NEBL: variants seen among roughly 807,000 people sequenced by gnomAD.
The protein encoded by NEBL is LIM and SH3 protein 2.
Under a neutral mutation model 140.2 loss-of-function variants are expected in NEBL, and 122 were observed. The ratio of observed to expected loss-of-function variants is 0.87; its 90% confidence interval spans 0.75 to 1.01. The LOEUF is 1.01. Ranked by LOEUF, NEBL falls within the 50% of genes least tolerant of loss-of-function variation. The pLI is 0.00. For synonymous variants in NEBL, 436 were observed against 398.9 expected (o/e 1.09, Z -1.11); for missense variants, 1,365 against 1,231.3 (o/e 1.11, Z -1.62).
At chr10:21,002,229 C>T (rs1469123651) in intron 3 of NEBL, among the ~76,000 whole-genome samples, 2 of 151,530 alleles carry the variant, frequency 1.3e-5, no homozygotes, top group African/African-American at 4.8e-5. Flanking sequence ...ATATTACTAA[C>T]ATGAGTCATA....
intron 2 of NEBL, among the ~76,000 whole-genome samples, chr10:21,099,853 T>C (rs142573044): frequency 5.9e-5 from 9 of 152,344 alleles, no homozygotes; most frequent in Non-Finnish European, 1.0e-4. Flanking sequence ...GCCCAAGATA[T>C]TACAGTCACT....
At chr10:20,850,646 C>G (rs1262290974) in intron 10 of NEBL, 144 bp from the exon 11 acceptor site, 2 of 625,598 alleles carry the variant, frequency 3.2e-6, no homozygotes, top group African/African-American at 3.7e-5. Flanking sequence ...ACTGGGTTCC[C>G]TTTGGTTAAT....
chr10:20,916,445 G>C (rs1404680853), intron 4 of NEBL, among the ~76,000 whole-genome samples: 1 of 152,170 alleles, frequency 6.6e-6, no homozygotes, highest in Admixed American at 6.5e-5. Context: ...CTGTTGCCCA[G>C]ACTGGAGTGC....
chr10:21,240,945 C>A (rs926912482), intron 3 of NEBL, among the ~76,000 whole-genome samples: 18 of 149,060 alleles, frequency 1.2e-4, no homozygotes, highest in African/African-American at 3.5e-4. Flanking sequence ...CACACACACA[C>A]AAAACCAGTA....
At chr10:20,829,448 A>AG (rs1392975953) in intron 16 of NEBL, among the ~76,000 whole-genome samples, 1 of 61,176 alleles carries the variant, frequency 1.6e-5, no homozygotes. Context: ...GGGTAGGGGG[A>AG]GGGGGGAGGG....
At chr10:20,834,295 T>C (rs2031658268) in intron 14 of NEBL, among the ~76,000 whole-genome samples, 1 of 152,114 alleles carries the variant, frequency 6.6e-6, no homozygotes, top group Admixed American at 6.5e-5. Flanking sequence ...GAAGGTTCCA[T>C]AACAAACTTA....
chr10:20,883,307 G>A (rs1846190584), intron 4 of NEBL, among the ~76,000 whole-genome samples: 2 of 152,146 alleles, frequency 1.3e-5, no homozygotes, highest in African/African-American at 2.4e-5. Flanking sequence ...TGTGGATTTG[G>A]TTGGTTACCA....
chr10:21,099,749 G>T (rs977585309), intron 2 of NEBL, among the ~76,000 whole-genome samples: 1 of 152,140 alleles, frequency 6.6e-6, no homozygotes, highest in Non-Finnish European at 1.5e-5. Context: ...GGAAATGAGG[G>T]TATTTCCAAC....
At chr10:21,274,742 A>G (rs990067492) in intron 1 of NEBL, among the ~76,000 whole-genome samples, 9 of 152,144 alleles carry the variant, frequency 5.9e-5, no homozygotes, top group Non-Finnish European at 1.2e-4. Context: ...CTATATTCTT[A>G]CAATACAGTA....
chr10:20,858,240 G>A lies in NEBL; in HGVS notation c.903C>T (p.Gly301=), dbSNP rs200799762. The part of the protein sequence containing the change: ...HVLKASKMLS[G]REYKKLFEEN... ...GGTTGCCGCTAGATGAACCACTTAC[G>A]CCGCTGAGCATTTTGCTGGCTTTCA... The change falls in exon 9 of 28, where the codon GGC becomes GGT. Residue 301 remains glycine, a splice_region_variant and synonymous_variant. Coordinates refer to ENST00000377122, the MANE Select transcript of NEBL (RefSeq NM_006393.3). 3.5e-5 allele frequency: 56 copies of A among 1,596,048 alleles called. No homozygotes were observed. The highest frequency in any genetic ancestry group is 6.7e-5 in the African/African-American group (5 of 74,458).
chr10:21,020,449 A>G (rs1312843333), intron 2 of NEBL, among the ~76,000 whole-genome samples: 3 of 151,682 alleles, frequency 2.0e-5, no homozygotes, highest in East Asian at 3.9e-4. Flanking sequence ...GCGCATCTTC[A>G]CCCATGCTCA....
chr10:21,235,033 G>A (rs372511705), intron 3 of NEBL, among the ~76,000 whole-genome samples: 9 of 152,164 alleles, frequency 5.9e-5, no homozygotes, highest in African/African-American at 1.2e-4. Flanking sequence ...GGTGGCACTC[G>A]CCTGTGGTCC....
At chr10:20,859,141 G>A (rs80026203) in intron 8 of NEBL, among the ~76,000 whole-genome samples, 2,874 of 152,104 alleles carry the variant, frequency 0.019, 87 homozygotes, top group African/African-American at 0.065. Context: ...ATTTTTTGAT[G>A]TTGCTGTTTT....
chr10:20,840,479 G>A (rs1352101314), intron 13 of NEBL, among the ~76,000 whole-genome samples: 1 of 152,064 alleles, frequency 6.6e-6, no homozygotes, highest in Non-Finnish European at 1.5e-5. Flanking sequence ...CTGCTTAAAA[G>A]ATGAAGTTAA....
At chr10:20,816,326 C>T (rs1838717178) in intron 21 of NEBL, among the ~76,000 whole-genome samples, 1 of 152,182 alleles carries the variant, frequency 6.6e-6, no homozygotes, top group African/African-American at 2.4e-5. Context: ...TAAAGGTATT[C>T]ACCGTAGACT....
At chr10:21,193,489 T>C (rs1434537250) in intron 3 of NEBL, among the ~76,000 whole-genome samples, 11 of 152,244 alleles carry the variant, frequency 7.2e-5, no homozygotes, top group East Asian at 1.9e-4. Context: ...AATCCAAGTT[T>C]TAAGGGCTAC....
intron 1 of NEBL, among the ~76,000 whole-genome samples, chr10:21,256,259 G>A (rs1842658995): frequency 6.6e-6 from 1 of 151,928 alleles, no homozygotes; most frequent in Admixed American, 6.6e-5. Context: ...GTAGAGATGG[G>A]GTGTCACCTT....
intron 4 of NEBL, among the ~76,000 whole-genome samples, chr10:20,925,962 C>G (rs952277679): frequency 6.6e-6 from 1 of 152,124 alleles, no homozygotes; most frequent in African/African-American, 2.4e-5. Context: ...TAGGTGTGGG[C>G]CATTCGTAAA....
chr10:21,253,732 T>C (rs753992717), intron 1 of NEBL, among the ~76,000 whole-genome samples: 1 of 151,974 alleles, frequency 6.6e-6, no homozygotes, highest in African/African-American at 2.4e-5. Context: ...TTAGTAGAGA[T>C]GGAGTTTAGC....
Sources: gnomAD v4.1 joint callset for allele counts (sites outside exome capture counted in the v4.1 genomes callset) on GRCh38, gnomAD v4.1.1 for gene constraint, MANE v1.5 for transcripts, NCBI Gene and HGNC (gene_info 2026-07-23, HGNC 2026-07-21) for gene names.